The following AKAP6 variants were observed in gnomAD, a reference collection of about 807,000 sequenced individuals.
AKAP6 encodes A-kinase anchor protein 6.
AKAP6 carries 58 observed loss-of-function variants against 188.5 expected under a neutral mutation model. The ratio of observed to expected loss-of-function variants is 0.31; its 90% CI spans 0.25 to 0.38. The LOEUF (loss-of-function observed/expected upper bound fraction) is 0.38. Ranked by LOEUF, AKAP6 falls within the 10% of genes least tolerant of loss-of-function variation. The probability of loss-of-function intolerance (pLI) is 1.00; values close to 1 mark genes in which losing one functional copy is unlikely to be tolerated. For missense variants in AKAP6, 2,710 were observed against 2,740.0 expected, an observed-to-expected ratio of 0.99 and a Z score of 0.24; for synonymous variants, 989 against 998.6, an observed-to-expected ratio of 0.99 and a Z score of 0.18.
chr14:32,446,247 C>A (rs1350190853), intron 2 of AKAP6, among the ~76,000 whole-genome samples: 1 of 152,094 alleles, frequency 6.6e-6, no homozygotes, highest in Non-Finnish European at 1.5e-5. Context: ...TGTTAAATAC[C>A]ATATGGACTT....
chr14:32,518,935 C>G, intron 2 of AKAP6, among the ~76,000 whole-genome samples: 1 of 152,184 alleles, frequency 6.6e-6, no homozygotes, highest in Non-Finnish European at 1.5e-5. Flanking sequence ...ATGTTAAGGG[C>G]AGCCAGAGAG....
At chr14:32,814,407 C>T (rs567824988) in intron 12 of AKAP6, among the ~76,000 whole-genome samples, 4 of 152,298 alleles carry the variant, frequency 2.6e-5, no homozygotes, top group African/African-American at 9.6e-5. Flanking sequence ...CATCCCATTC[C>T]TTCCTCCCCG....
At chr14:32,482,136 T>A (rs773989974) in intron 2 of AKAP6, among the ~76,000 whole-genome samples, 4 of 152,182 alleles carry the variant, frequency 2.6e-5, no homozygotes, top group Non-Finnish European at 4.4e-5. Context: ...AACTCCTTAA[T>A]AAACTTCCTG....
At chr14:32,779,127 G>A (rs1278839685) in intron 12 of AKAP6, among the ~76,000 whole-genome samples, 1 of 151,968 alleles carries the variant, frequency 6.6e-6, no homozygotes, top group Admixed American at 6.6e-5. Context: ...CAGATGTGGT[G>A]GCTCACACCT....
intron 7 of AKAP6, among the ~76,000 whole-genome samples, chr14:32,621,728 A>C (rs1306349024): frequency 6.6e-6 from 1 of 151,942 alleles, no homozygotes; most frequent in Admixed American, 6.6e-5. Context: ...CTTTCTGTTG[A>C]CTTTCTCCCT....
At chr14:32,549,627 A>G (rs1273431884) in intron 4 of AKAP6, among the ~76,000 whole-genome samples, 1 of 152,240 alleles carries the variant, frequency 6.6e-6, no homozygotes, top group Non-Finnish European at 1.5e-5. Context: ...ACTGACAGTA[A>G]TAACTAATAC....
At chr14:32,582,777 G>A (rs1885039465) in intron 5 of AKAP6, among the ~76,000 whole-genome samples, 1 of 151,868 alleles carries the variant, frequency 6.6e-6, no homozygotes. Context: ...CCAGTTGATC[G>A]CATCAGCTCC....
intron 7 of AKAP6, among the ~76,000 whole-genome samples, chr14:32,626,245 T>C (rs1887017567): frequency 6.6e-6 from 1 of 152,136 alleles, no homozygotes; most frequent in Admixed American, 6.5e-5. Flanking sequence ...TATTCTGACT[T>C]GTTTACTATA....
intron 12 of AKAP6, among the ~76,000 whole-genome samples, chr14:32,802,901 C>A (rs1247542526): frequency 6.6e-6 from 1 of 152,060 alleles, no homozygotes; most frequent in Non-Finnish European, 1.5e-5. Context: ...AGTTCAAGAC[C>A]AGCCTGGCCA....
chr14:32,331,308 A>G (rs961469020), intron 1 of AKAP6, among the ~76,000 whole-genome samples: 5 of 151,998 alleles, frequency 3.3e-5, no homozygotes, highest in African/African-American at 1.2e-4. Flanking sequence ...GATTTGTTCA[A>G]TTACTGGAAG....
chr14:32,519,726 GAC>G (rs1881719034), intron 2 of AKAP6, among the ~76,000 whole-genome samples: 1 of 152,124 alleles, frequency 6.6e-6, no homozygotes. Context: ...AAGAGACTTA[GAC>G]TCCCACATAA....
intron 2 of AKAP6, among the ~76,000 whole-genome samples, chr14:32,528,330 G>C (rs1474573825): frequency 6.6e-6 from 1 of 151,834 alleles, no homozygotes; most frequent in Non-Finnish European, 1.5e-5. Context: ...GATATATTTT[G>C]AGTTAATTTG....
At chr14:32,506,284 G>A (rs1284025048) in intron 2 of AKAP6, among the ~76,000 whole-genome samples, 1 of 152,134 alleles carries the variant, frequency 6.6e-6, no homozygotes, top group Non-Finnish European at 1.5e-5. Context: ...TCAGGGGCTG[G>A]ATAACTGATC....
intron 1 of AKAP6, among the ~76,000 whole-genome samples, chr14:32,404,767 G>A (rs1889231546): frequency 7.3e-6 from 1 of 136,374 alleles, no homozygotes; most frequent in African/African-American, 2.7e-5. Flanking sequence ...AATTTTCAGA[G>A]TTAAAATAAA....
chr14:32,747,569 A>G (rs1299798231), intron 11 of AKAP6, among the ~76,000 whole-genome samples: 3 of 152,170 alleles, frequency 2.0e-5, no homozygotes, highest in Non-Finnish European at 4.4e-5. Context: ...TTTCCCCACC[A>G]CATATTAAAA....
intron 2 of AKAP6, among the ~76,000 whole-genome samples, chr14:32,445,741 A>T (rs1231238187): frequency 6.6e-6 from 1 of 152,072 alleles, no homozygotes; most frequent in Non-Finnish European, 1.5e-5. Flanking sequence ...ATTCAATTTG[A>T]GATATTACTA....
rs530935060 is a variant in AKAP6, at chr14:32,389,981, A to G, written c.-34-43479A>G. 1.5e-4 allele frequency among the ~76,000 whole-genome samples: 23 copies of G among 152,170 alleles called. No homozygotes were observed. In the South Asian group the frequency reaches 4.8e-3, roughly 32 times the overall value. On this transcript the variant is annotated intron_variant, in intron 1 of 13. Transcript: ENST00000280979. ...TTTCTCTTCTTTCTCAGGAACATCA[A>G]TTATTCTTAGGTTTGGTCATTTAAC...
At chr14:32,464,007 A>G (rs1878237508) in intron 2 of AKAP6, among the ~76,000 whole-genome samples, 1 of 152,218 alleles carries the variant, frequency 6.6e-6, no homozygotes, top group African/African-American at 2.4e-5. Flanking sequence ...AAATGGATAA[A>G]TTCCTGTACA....
intron 7 of AKAP6, among the ~76,000 whole-genome samples, chr14:32,652,728 C>T (rs1888283056): frequency 6.6e-6 from 1 of 152,116 alleles, no homozygotes; most frequent in African/African-American, 2.4e-5. Context: ...TATTTTCTTC[C>T]CATTCCTCTT....
Sources: allele counts gnomAD v4.1 joint callset (sites outside exome capture counted in the v4.1 genomes callset), GRCh38; gene constraint gnomAD v4.1.1; transcripts MANE v1.5; gene names NCBI Gene and HGNC (gene_info 2026-07-23, HGNC 2026-07-21).